The following PPFIA1 variants were observed in gnomAD, a reference collection of about 807,000 sequenced individuals.
PPFIA1 encodes PPFI scaffold protein A1.
A neutral mutation model predicts 149.9 loss-of-function variants in PPFIA1; 25 were observed. The observed-to-expected ratio is 0.17, with a 90% CI of 0.12 to 0.23. PPFIA1 has a LOEUF of 0.23. Ranked by LOEUF, PPFIA1 falls within the 10% of genes least tolerant of loss-of-function variation. The pLI is 1.00. For missense variants in PPFIA1, 1,362 were observed against 1,506.5 expected (o/e 0.90, Z 1.59); for synonymous variants, 549 against 552.8 (o/e 0.99, Z 0.10).
rs1390537565 is a variant in PPFIA1, at chr11:70,348,285, A to C, written c.2028A>C (p.Arg676Ser). The C allele has an allele frequency of 6.2e-7, 1 of 1,614,206 alleles. No homozygotes were observed. The highest frequency in any genetic ancestry group is 2.2e-5 in the East Asian group (1 of 44,884). ...GTCTAGACAATCTTGGTCGTTTTAGATCAATGAGCTCCATTCCCCCCTACC... is the reference window on the plus strand; with the variant it reads ...GTCTAGACAATCTTGGTCGTTTTAGCTCAATGAGCTCCATTCCCCCCTACC... ...SGSLDNLGRF[R>S]SMSSIPPYPA... The change falls in exon 16 of 28, where the codon AGA (arginine) becomes AGC (serine). Residue 676 changes from arginine (R) to serine (S), a missense_variant. Arg to Ser is a moderately radical substitution (Grantham distance 110). This residue lies in a region of PPFIA1 where 733 missense variants were observed against 744.1 expected (regional missense o/e 0.99). Transcript: ENST00000253925.
chr11:70,298,119 C>G (rs1330544092), intron 2 of PPFIA1, among the ~76,000 whole-genome samples: 3 of 152,166 alleles, frequency 2.0e-5, no homozygotes, highest in Non-Finnish European at 4.4e-5. Context: ...AATGAAAATC[C>G]AAATCAGATG....
At chr11:70,316,152 G>A (rs578260608) in intron 2 of PPFIA1, among the ~76,000 whole-genome samples, 6 of 151,970 alleles carry the variant, frequency 3.9e-5, no homozygotes, top group Non-Finnish European at 7.4e-5. Context: ...GCTCACTGCA[G>A]CCTCTGCCTC....
At chr11:70,297,168 G>A (rs1198238377) in intron 2 of PPFIA1, among the ~76,000 whole-genome samples, 1 of 152,156 alleles carries the variant, frequency 6.6e-6, no homozygotes, top group Admixed American at 6.5e-5. Context: ...CAGCACTTTG[G>A]GAGGCTGAGG....
chr11:70,382,220 C>A, intron 27 of PPFIA1, 62 bp downstream of exon 27: 1 of 1,330,216 alleles, frequency 7.5e-7, no homozygotes, highest in Non-Finnish European at 1.1e-6. Context: ...GTCATCGGAG[C>A]TGCAGTGCCA....
At chr11:70,324,645 G>A in intron 3 of PPFIA1, 142 bp downstream of exon 3, 1 of 877,586 alleles carries the variant, frequency 1.1e-6, no homozygotes, top group South Asian at 1.7e-5. Flanking sequence ...ACTGTGATTA[G>A]TCAGCATGAT....
chr11:70,318,451 C>A (rs888765939), intron 2 of PPFIA1, among the ~76,000 whole-genome samples: 3 of 152,214 alleles, frequency 2.0e-5, no homozygotes, highest in Non-Finnish European at 4.4e-5. Flanking sequence ...ACTTGACTTA[C>A]CTGCTTTCAG....
chr11:70,326,192 A>G, intron 5 of PPFIA1, 70 bp from the exon 6 acceptor site: 1 of 876,542 alleles, frequency 1.1e-6, no homozygotes, highest in Non-Finnish European at 1.8e-6. Context: ...TTCCAAAAGG[A>G]GTTTTGCTAT....
At chr11:70,290,533 T>C (rs1591071917) in intron 2 of PPFIA1, among the ~76,000 whole-genome samples, 1 of 152,224 alleles carries the variant, frequency 6.6e-6, no homozygotes, top group East Asian at 1.9e-4. Context: ...TGGATTTTTT[T>C]CCCCTGTAGC....
At chr11:70,282,155 G>A (rs1204059250) in intron 2 of PPFIA1, among the ~76,000 whole-genome samples, 2 of 152,110 alleles carry the variant, frequency 1.3e-5, no homozygotes, top group Admixed American at 6.6e-5. Flanking sequence ...CCTGCCCAGC[G>A]GGAGACACAG....
chr11:70,309,272 C>T (rs1300149502), intron 2 of PPFIA1, among the ~76,000 whole-genome samples: 1 of 152,050 alleles, frequency 6.6e-6, no homozygotes, highest in Non-Finnish European at 1.5e-5. Flanking sequence ...CGGGTTCAAG[C>T]GATTCTCCTG....
chr11:70,275,675 G>T (rs867649892), intron 2 of PPFIA1, among the ~76,000 whole-genome samples: 3 of 152,214 alleles, frequency 2.0e-5, no homozygotes, highest in South Asian at 4.1e-4. Context: ...TCTTTCCCCA[G>T]TGTACTACAT....
chr11:70,327,663 C>T (rs2054393794), intron 7 of PPFIA1: 2 of 152,298 alleles, frequency 1.3e-5, no homozygotes, highest in African/African-American at 4.8e-5. Context: ...GTCCCAGCTA[C>T]TCGGGAGGCT....
intron 15 of PPFIA1, among the ~76,000 whole-genome samples, chr11:70,346,583 G>A (rs2055718499): frequency 6.6e-6 from 1 of 152,184 alleles, no homozygotes; most frequent in South Asian, 2.1e-4. Context: ...AGGCATGGGG[G>A]CCCTTTGAAG....
In PPFIA1 at chr11:70,378,166, C is replaced by A. The variant is rs761127513; in HGVS notation, c.3521C>A (p.Ser1174Tyr). The A allele has an allele frequency of 3.7e-6, 6 of 1,614,138 alleles. No homozygotes were observed. The South Asian group carries it at 5.5e-5, about 15-fold the overall frequency. The change falls in exon 26 of 28, where the codon TCT becomes TAT. Residue 1174 changes from serine to tyrosine, a missense_variant. Ser to Tyr is a moderately radical substitution (Grantham distance 144). Coordinates refer to ENST00000253925, the MANE Select transcript of PPFIA1 (RefSeq NM_003626.5). The stretch of plus-strand genomic sequence containing the variant: ...GTGACTTCTTCTATGTCTTCCCCCT[C>A]TATGCAGCCAAAGAAGATGCAGATG... Reference protein sequence around the residue: ...FRVTSSMSSPSMQPKKMQMDG... With the variant: ...FRVTSSMSSPYMQPKKMQMDG...
intron 24 of PPFIA1, 94 bp from the exon 25 acceptor site, chr11:70,376,438 A>G: frequency 8.2e-7 from 1 of 1,217,810 alleles, no homozygotes; most frequent in Middle Eastern, 1.9e-4. Flanking sequence ...GCAGTGAGGG[A>G]GTTTAAGTCT....
At chr11:70,327,783 A>T (rs80127738) in intron 7 of PPFIA1, 2 of 152,078 alleles carry the variant, frequency 1.3e-5, no homozygotes, top group South Asian at 2.1e-4. Flanking sequence ...AAAAAAAAAA[A>T]AGAGAGAAAC....
At chr11:70,276,665 G>A (rs1305260823) in intron 2 of PPFIA1, among the ~76,000 whole-genome samples, 4 of 152,064 alleles carry the variant, frequency 2.6e-5, no homozygotes, top group Non-Finnish European at 5.9e-5. Flanking sequence ...GGTTTTCCTT[G>A]TGAGAAGGAA....
Position 70,384,332 on chromosome 11 carries a change from A to C in PPFIA1, c.*1342A>C, listed in dbSNP as rs915871982. 1.3e-5 allele frequency: 2 copies of C among 152,632 alleles called. No homozygotes were observed. The highest frequency in any genetic ancestry group is 4.8e-5 in the African/African-American group (2 of 41,450). The allele number at this position is 152,632 out of a possible 1,614,324, so 9.5% of individuals were successfully genotyped here. A position where few individuals can be genotyped will look rare whatever the true frequency, so the allele number is the denominator to read the frequency against. On this transcript the variant is annotated 3_prime_UTR_variant, in exon 28 of 28. Transcript: ENST00000253925. ...AGTATGTACAGTCTACTTTTGAACT[A>C]TTTTTATCACAGTATTATTTATTGC... is the stretch of plus-strand genomic sequence containing the variant.
intron 2 of PPFIA1, among the ~76,000 whole-genome samples, chr11:70,292,173 CAG>C (rs2051580914): frequency 6.6e-6 from 1 of 152,162 alleles, no homozygotes; most frequent in African/African-American, 2.4e-5. Flanking sequence ...TTTGTAGAGA[CAG>C]GGTTTCCCAT....
Sources: gnomAD v4.1 joint callset for allele counts (sites outside exome capture counted in the v4.1 genomes callset) on GRCh38, gnomAD v4.1.1 for gene constraint, gnomAD v4.1.1 regional missense constraint, MANE v1.5 for transcripts, NCBI Gene and HGNC (gene_info 2026-07-23, HGNC 2026-07-21) for gene names.